TRIM65: variants seen among roughly 807,000 people sequenced by gnomAD.
TRIM65 encodes the protein E3 ubiquitin-protein ligase TRIM65.
Under a neutral mutation model 36.1 loss-of-function variants are expected in TRIM65, and 46 were observed. The ratio of observed to expected loss-of-function variants is 1.27; its 90% CI spans 1.01 to 1.63. The LOEUF (loss-of-function observed/expected upper bound fraction) is 1.63, where lower values mean the gene tolerates loss of function less well. Among genes scored for constraint, TRIM65 ranks in the 40% most tolerant of loss-of-function variants. The pLI is 0.00. For missense variants in TRIM65, 708 were observed against 696.6 expected, an observed-to-expected ratio of 1.02 and a Z score of -0.18; for synonymous variants, 346 against 313.6, an observed-to-expected ratio of 1.10 and a Z score of -1.09.
downstream of TRIM65, among the ~76,000 whole-genome samples, chr17:75,885,723 T>C (rs2065202133): frequency 6.6e-6 from 1 of 152,236 alleles, no homozygotes; most frequent in Non-Finnish European, 1.5e-5. Context: ...TGTCTGCAAG[T>C]GTCTCTGTTC....
downstream of TRIM65, among the ~76,000 whole-genome samples, chr17:75,886,169 CCTT>C (rs992998629): frequency 2.0e-5 from 3 of 152,184 alleles, no homozygotes; most frequent in Non-Finnish European, 2.9e-5. Context: ...CTTTGCTCCT[CCTT>C]CGCTTTCTAC....
chr17:75,887,490 A>C (rs1423704931), downstream of TRIM65, among the ~76,000 whole-genome samples: 1 of 151,670 alleles, frequency 6.6e-6, no homozygotes, highest in Non-Finnish European at 1.5e-5. Flanking sequence ...TCTCAAAAAC[A>C]AAACAAATTA....
At chr17:75,894,165 C>T (rs1031193686) in intron 1 of TRIM65, among the ~76,000 whole-genome samples, 1 of 152,078 alleles carries the variant, frequency 6.6e-6, no homozygotes, top group African/African-American at 2.4e-5. Flanking sequence ...TGTCTCAGTC[C>T]TCCCACCTCA....
chr17:75,895,621 T>G (rs540441078), intron 1 of TRIM65, among the ~76,000 whole-genome samples: 1 of 152,322 alleles, frequency 6.6e-6, no homozygotes, highest in South Asian at 2.1e-4. Flanking sequence ...GGCTTGCGCT[T>G]CCTCAATCCT....
intron 4 of TRIM65, among the ~76,000 whole-genome samples, chr17:75,880,880 C>T (rs1423629659): frequency 1.3e-5 from 2 of 150,462 alleles, no homozygotes; most frequent in African/African-American, 5.0e-5. Flanking sequence ...CTCAGGTCCC[C>T]TGAGACCAGA....
downstream of TRIM65, among the ~76,000 whole-genome samples, chr17:75,884,873 C>T (rs907504253): frequency 2.6e-5 from 4 of 152,004 alleles, 1 homozygote; most frequent in South Asian, 4.1e-4. Context: ...TCATGTAATC[C>T]GCCCATCACA....
chr17:75,896,603 C>G lies in TRIM65; in HGVS notation c.335G>C (p.Cys112Ser), dbSNP rs746808889. ...LELFCRTEGR[C>S]VCSVCTVREC... ...GCGCACGGTGCACACGCTGCACACA[C>G]AGCGGCCCTCGGTCCGGCAGAAGAG... Residue 112 changes from cysteine to serine, a missense_variant, in exon 1 of 6, where the codon TGT becomes TCT. By Grantham distance (112) the Cys-to-Ser change is moderately radical (BLOSUM62 -1). Coordinates refer to ENST00000269383, the MANE Select transcript of TRIM65 (RefSeq NM_173547.4). 3.4e-5 allele frequency: 43 copies of G among 1,270,854 alleles called. No individual in the cohort carries two copies. The Middle Eastern group carries it at 8.9e-4, about 26-fold the overall frequency. The allele number at this position is 1,270,854 out of a possible 1,614,324, so 78.7% of individuals were successfully genotyped here.
chr17:75,895,752 G>A (rs1387517286), intron 1 of TRIM65, among the ~76,000 whole-genome samples: 1 of 151,688 alleles, frequency 6.6e-6, no homozygotes, highest in Non-Finnish European at 1.5e-5. Context: ...ATACATTCAC[G>A]CCTTACTGGA....
chr17:75,884,938 CTT>C (rs534194648), downstream of TRIM65, among the ~76,000 whole-genome samples: 23 of 135,846 alleles, frequency 1.7e-4, no homozygotes, highest in Non-Finnish European at 2.1e-4. Flanking sequence ...ACTTGAGTTC[CTT>C]TTTTTTTTTT....
chr17:75,885,280 T>C (rs914768087), downstream of TRIM65, among the ~76,000 whole-genome samples: 2 of 152,136 alleles, frequency 1.3e-5, no homozygotes, highest in Non-Finnish European at 2.9e-5. Context: ...ACTTTTTAAT[T>C]TTTAAATATT....
chr17:75,886,828 T>A (rs2065211297), downstream of TRIM65, among the ~76,000 whole-genome samples: 1 of 152,062 alleles, frequency 6.6e-6, no homozygotes, highest in African/African-American at 2.4e-5. Flanking sequence ...TTTCCAAATG[T>A]CACATCCCAA....
chr17:75,895,966 T>C (rs1237014697), intron 1 of TRIM65, among the ~76,000 whole-genome samples: 2 of 152,222 alleles, frequency 1.3e-5, no homozygotes, highest in Non-Finnish European at 2.9e-5. Flanking sequence ...CAGGCTTTGT[T>C]CATCCAGAGG....
At chr17:75,892,640 G>T in intron 2 of TRIM65, 115 bp downstream of exon 2, 1 of 1,241,890 alleles carries the variant, frequency 8.1e-7, no homozygotes, top group Non-Finnish European at 1.1e-6. Context: ...GGACCCCTGT[G>T]CCCAGCTCCC....
downstream of TRIM65, among the ~76,000 whole-genome samples, chr17:75,886,866 A>G (rs2065211570): frequency 6.6e-6 from 1 of 152,162 alleles, no homozygotes; most frequent in Non-Finnish European, 1.5e-5. Flanking sequence ...CCTCGATACC[A>G]GCGTGCGTTT....
intron 1 of TRIM65, among the ~76,000 whole-genome samples, chr17:75,895,587 T>C (rs2065334628): frequency 1.3e-5 from 2 of 152,176 alleles, no homozygotes; most frequent in Non-Finnish European, 2.9e-5. Context: ...CTGCCTAGAA[T>C]GCTCTTCCCC....
chr17:75,888,692 G>A (rs182547865), downstream of TRIM65, among the ~76,000 whole-genome samples: 16 of 152,306 alleles, frequency 1.1e-4, no homozygotes, highest in East Asian at 2.9e-3. Context: ...GGTCCTGCCC[G>A]CCTCCTGGCT....
chr17:75,892,158 G>T lies in TRIM65; in HGVS notation c.772C>A (p.Pro258Thr). Residue 258 changes from proline to threonine, a missense_variant, in exon 4 of 6, where the codon CCT becomes ACT. By Grantham distance (38) the Pro-to-Thr change is conservative (BLOSUM62 -1). Coordinates refer to ENST00000269383, the MANE Select transcript of TRIM65 (RefSeq NM_173547.4). ...TGCAGAGGGGTCAGTGGCCCAAGAG[G>T]CCCTGGGGGCTGGAGGAGCTGCGAT... ...QESQLLQPPG[P>T]LGPLTPLQWD... The T allele has an allele frequency of 6.4e-7, 1 of 1,570,016 alleles. No individual in the cohort carries two copies. The highest frequency in any genetic ancestry group is 1.4e-5 in the African/African-American group (1 of 73,956).
rs147589295 is a variant in TRIM65 at position 75,892,150 on chromosome 17, C to T, written c.780G>A (p.Gly260=). 48 of 1,569,004 alleles carry T rather than the reference C, an allele frequency of 3.1e-5. No homozygotes were observed. The highest frequency in any genetic ancestry group is 3.9e-5 in the Non-Finnish European group (45 of 1,156,834). The part of the protein sequence containing the change: ...SQLLQPPGPL[G]PLTPLQWDED... ...CATCCCACTGCAGAGGGGTCAGTGGCCCAAGAGGCCCTGGGGGCTGGAGGA... is the reference window on the plus strand; with the variant it reads ...CATCCCACTGCAGAGGGGTCAGTGGTCCAAGAGGCCCTGGGGGCTGGAGGA... The change falls in exon 4 of 6, where the codon GGG becomes GGA. Residue 260 remains glycine, a synonymous_variant. Transcript: ENST00000269383.
chr17:75,886,864 C>A (rs148295075), downstream of TRIM65, among the ~76,000 whole-genome samples: 1 of 152,268 alleles, frequency 6.6e-6, no homozygotes, highest in East Asian at 1.9e-4. Context: ...TCCCTCGATA[C>A]CAGCGTGCGT....
Sources: allele counts gnomAD v4.1 joint callset (sites outside exome capture counted in the v4.1 genomes callset), GRCh38; gene constraint gnomAD v4.1.1; transcripts MANE v1.5; gene names NCBI Gene and HGNC (gene_info 2026-07-23, HGNC 2026-07-21).